Variants in FAM149A observed in about 807,000 individuals in gnomAD.
The protein encoded by FAM149A is family with sequence similarity 149 member A, also known as protein FAM149A.
Under a neutral mutation model 78.2 loss-of-function variants are expected in FAM149A, and 71 were observed. The ratio of observed to expected loss-of-function variants is 0.91; its 90% confidence interval spans 0.75 to 1.11. The LOEUF (loss-of-function observed/expected upper bound fraction) is 1.11. Ranked by LOEUF, FAM149A falls within the 50% of genes least tolerant of loss-of-function variation. The probability of loss-of-function intolerance (pLI) is 0.00; values close to 1 mark genes in which losing one functional copy is unlikely to be tolerated. For missense variants in FAM149A, 1,036 were observed against 971.0 expected, an observed-to-expected ratio of 1.07 and a Z score of -0.89; for synonymous variants, 446 against 410.5, an observed-to-expected ratio of 1.09 and a Z score of -1.04.
rs1461590220 is a variant in FAM149A, at chr4:186,172,021, G to A, written c.*34G>A. 4 of 1,605,220 alleles carry A rather than the reference G, an allele frequency of 2.5e-6. No individual in the cohort carries two copies. Among genetic ancestry groups the A allele is most frequent in the Non-Finnish European group, 3.4e-6 (4 of 1,176,382 alleles). ...CACCAGAACCATTGGAGCACCTGTG[G>A]CCTCGGCACACTGCTTATCACTTGA... On this transcript the variant is annotated 3_prime_UTR_variant, in exon 14 of 14. Coordinates refer to ENST00000389354, the MANE Select transcript of FAM149A (RefSeq NM_001367768.3).
At chr4:186,165,258 T>C in intron 10 of FAM149A, 86 bp from the exon 11 acceptor site, 2 of 1,487,200 alleles carry the variant, frequency 1.3e-6, no homozygotes, top group Non-Finnish European at 1.9e-6. Context: ...CGCAGAAACA[T>C]TGAAATCACA....
Position 186,158,143 on chromosome 4 carries a change from C to A in FAM149A, c.1575+424C>A, listed in dbSNP as rs867129048. The A allele has an allele frequency of 6.2e-6, 8 of 1,287,284 alleles. No homozygotes were observed. In the South Asian group the frequency reaches 1.0e-4, roughly 17 times the overall value. 79.7% of individuals were successfully genotyped at this position (1,287,284 alleles called of 1,614,324 possible). The stretch of plus-strand genomic sequence containing the variant: ...CCCTGTCTTGCTCCAGGAACACTGG[C>A]CGGCAGGCTGTGCTGAAGCTCACTG... On this transcript the variant is annotated intron_variant, in intron 8 of 13. Coordinates refer to ENST00000389354, the MANE Select transcript of FAM149A (RefSeq NM_001367768.3).
At chr4:186,145,116 A>T (rs1036876451) in intron 1 of FAM149A, 5 of 985,324 alleles carry the variant, frequency 5.1e-6, no homozygotes, top group Non-Finnish European at 4.8e-6. Context: ...TAATCGGGTG[A>T]GTCTCATCCG....
In FAM149A at chr4:186,157,783, C is replaced by T. The variant is rs563388980; in HGVS notation, c.1575+64C>T. The T allele has an allele frequency of 4.5e-6, 7 of 1,570,846 alleles. No individual in the cohort carries two copies. In the Admixed American group the frequency reaches 5.3e-5, roughly 12 times the overall value. ...CTGTGTGTCTGTCACCTCAGTTTGT[C>T]GTTCTGTTAAACTGCAGTACTGAGA... On this transcript the variant is annotated intron_variant, in intron 8 of 13. Coordinates refer to ENST00000389354, the MANE Select transcript of FAM149A (RefSeq NM_001367768.3).
intron 1 of FAM149A, chr4:186,118,203 C>A: frequency 1.0e-6 from 1 of 985,422 alleles, no homozygotes; most frequent in Non-Finnish European, 1.2e-6. Flanking sequence ...TCACACACCA[C>A]GCAAGATGGG....
intron 1 of FAM149A, among the ~76,000 whole-genome samples, chr4:186,136,980 C>CTCTCTCTCTCTT (rs2099323365): frequency 8.6e-6 from 1 of 116,084 alleles, no homozygotes; most frequent in South Asian, 3.2e-4. Context: ...CTCTCTTTCT[C>CTCTCTCTCTCTT]TCTCTCTCTC....
intron 1 of FAM149A, chr4:186,116,416 C>G: frequency 1.0e-6 from 1 of 979,874 alleles, no homozygotes; most frequent in South Asian, 4.7e-5. Context: ...CTTGGCTCCT[C>G]CCTCATGACC....
In FAM149A at chr4:186,174,572, A is replaced by G. The variant is rs1735665994; in HGVS notation, c.*2585A>G. On this transcript the variant is annotated 3_prime_UTR_variant, in exon 14 of 14. Coordinates refer to ENST00000389354, the MANE Select transcript of FAM149A (RefSeq NM_001367768.3). ...ACCTTGTTTGGCTCCAGAGGTTTGC[A>G]AATAAGAATCTATTATTTATATATA... Among the ~76,000 whole-genome samples the G allele has an allele frequency of 9.0e-6, 1 of 111,318 alleles. No homozygotes were observed. The highest frequency in any genetic ancestry group is 8.8e-5 in the Admixed American group (1 of 11,314). 73.0% of individuals were successfully genotyped at this position (111,318 alleles called of 152,430 possible). A position where few individuals can be genotyped will look rare whatever the true frequency, so the allele number is the denominator to read the frequency against.
chr4:186,125,185 T>C, intron 1 of FAM149A: 1 of 861,930 alleles, frequency 1.2e-6, no homozygotes, highest in Non-Finnish European at 1.4e-6. Flanking sequence ...TGGAAATCCT[T>C]GCTGTTGGCA....
At position 186,149,412 on chromosome 4, in the gene FAM149A, TC is replaced by T. The variant is rs1733296909; in HGVS notation, c.677+130del. 9.1e-6 allele frequency: 10 copies of T among 1,101,746 alleles called. No individual in the cohort carries two copies. The East Asian group carries it at 5.9e-4, about 65-fold the overall frequency. The allele number at this position is 1,101,746 out of a possible 1,614,324, so 68.2% of individuals were successfully genotyped here. On this transcript the variant is annotated intron_variant, in intron 2 of 13. Coordinates refer to ENST00000389354, the MANE Select transcript of FAM149A (RefSeq NM_001367768.3). ...TTTTATTTTTAACCTAGTGTAAACATCACACTGTAAAAATATTTCAAAATTA... is the reference window on the plus strand; with the variant it reads ...TTTTATTTTTAACCTAGTGTAAACATACACTGTAAAAATATTTCAAAATTA...
intron 7 of FAM149A, 50 bp downstream of exon 7, chr4:186,156,240 T>A (rs776769122): frequency 1.3e-5 from 20 of 1,498,866 alleles, no homozygotes; most frequent in Non-Finnish European, 1.7e-5. Context: ...TCCCTGTTCT[T>A]CGGCCCTGGG....
chr4:186,153,759 C>G lies in FAM149A; in HGVS notation c.1047C>G (p.Ser349Arg). The G allele has an allele frequency of 6.2e-7, 1 of 1,608,618 alleles. No homozygotes were observed. Reference sequence around the variant, plus strand: ...CGCTCAGTGCCTGCGGACACAGCAGCAACATCAGAGAGTATGTTCAGATAA... The same window carrying G: ...CGCTCAGTGCCTGCGGACACAGCAGGAACATCAGAGAGTATGTTCAGATAA... Residue 349 changes from serine (S) to arginine (R), a missense_variant, in exon 5 of 14, where the codon AGC becomes AGG. Ser to Arg is a moderately radical substitution (Grantham distance 110). Coordinates refer to ENST00000389354, the MANE Select transcript of FAM149A (RefSeq NM_001367768.3).
Position 186,153,877 on chromosome 4 carries a change from T to G in FAM149A, c.1058+107T>G. ...CCTTGGCTCCACCCATTTTGGAAAT[T>G]TAGATTCTGATGAAGGGCAGGTACA... On this transcript the variant is annotated intron_variant, in intron 5 of 13. Coordinates refer to ENST00000389354, the MANE Select transcript of FAM149A (RefSeq NM_001367768.3). The G allele has an allele frequency of 2.3e-6, 3 of 1,311,198 alleles. No individual in the cohort carries two copies. In the African/African-American group the frequency reaches 4.4e-5, roughly 19 times the overall value. The allele number at this position is 1,311,198 out of a possible 1,614,324, so 81.2% of individuals were successfully genotyped here.
chr4:186,110,349 A>C, intron 1 of FAM149A: 1 of 982,276 alleles, frequency 1.0e-6, no homozygotes, highest in Non-Finnish European at 1.2e-6. Flanking sequence ...TTCCTCAGGG[A>C]TGAACGGTGG....
intron 6 of FAM149A, among the ~76,000 whole-genome samples, chr4:186,155,235 G>A (rs1384642047): frequency 6.6e-6 from 1 of 152,178 alleles, no homozygotes; most frequent in African/African-American, 2.4e-5. Flanking sequence ...CAAAGTGCTG[G>A]GATTACAGGC....
chr4:186,167,142 A>T, intron 12 of FAM149A, 42 bp from the exon 13 acceptor site: 1 of 1,605,732 alleles, frequency 6.2e-7, no homozygotes, highest in Non-Finnish European at 8.5e-7. Context: ...AAACATTTGA[A>T]AAAAATGAAA....
At position 186,157,715 on chromosome 4, in the gene FAM149A, C is replaced by T. The variant is rs199970882; in HGVS notation, c.1571C>T (p.Pro524Leu). ...TCCCTGGCTTCTCGTCTGAACCCGC[C>T]CCAGGTCGGTGCTTTCACACCCTTC... Residue 524 changes from proline (P) to leucine (L), a missense_variant, in exon 8 of 14, where the codon CCC (proline) becomes CTC (leucine). By Grantham distance (98) the Pro-to-Leu change is moderately conservative. Around this residue, in one of 3 missense-constraint regions of FAM149A, gnomAD observed 716 missense variants for 711.8 expected, o/e 1.01. Transcript: ENST00000389354. 4 of 1,606,760 alleles carry T rather than the reference C, an allele frequency of 2.5e-6. No homozygotes were observed. The highest frequency in any genetic ancestry group is 1.3e-5 in the African/African-American group (1 of 74,854).
chr4:186,133,737 C>T (rs1440108128), intron 1 of FAM149A, among the ~76,000 whole-genome samples: 2 of 152,178 alleles, frequency 1.3e-5, no homozygotes, highest in African/African-American at 2.4e-5. Flanking sequence ...CTCACTGCAA[C>T]CCTGACCTCC....
At chr4:186,128,406 G>A (rs951746202) in intron 1 of FAM149A, among the ~76,000 whole-genome samples, 2 of 151,870 alleles carry the variant, frequency 1.3e-5, no homozygotes, top group African/African-American at 4.8e-5. Flanking sequence ...AGAGTGAAGG[G>A]AAATTGTGCT....
Sources: gnomAD v4.1 joint callset for allele counts (sites outside exome capture counted in the v4.1 genomes callset) on GRCh38, gnomAD v4.1.1 for gene constraint, gnomAD v4.1.1 regional missense constraint, MANE v1.5 for transcripts, NCBI Gene and HGNC (gene_info 2026-07-23, HGNC 2026-07-21) for gene names.